The following BPIFA1 variants were observed in gnomAD, a reference collection of about 807,000 sequenced individuals.
The protein encoded by BPIFA1 is BPI fold-containing family A member 1.
In BPIFA1, 24 loss-of-function variants were observed where a neutral mutation model predicts 25.1. That is an observed-to-expected ratio of 0.96 (90% confidence interval 0.69 to 1.35). The LOEUF (loss-of-function observed/expected upper bound fraction) is 1.35, where lower values mean the gene tolerates loss of function less well. Among genes scored for constraint, BPIFA1 ranks in the 40% most tolerant of loss-of-function variants. The pLI, the probability that BPIFA1 is intolerant of heterozygous loss-of-function variation, is 0.00. For missense variants in BPIFA1, 344 were observed against 303.7 expected, an observed-to-expected ratio of 1.13 and a Z score of -0.99; for synonymous variants, 139 against 131.8, an observed-to-expected ratio of 1.05 and a Z score of -0.37.
rs1979028046 is a variant in BPIFA1, at chr20:33,242,468, T to C, written c.731-19T>C. ...TCATAACTGTCGTCTGTTTTTTTAT[T>C]GCTTGTTTGTTTGTTTAGACATGCT... On this transcript the variant is annotated intron_variant, in intron 7 of 8. Coordinates refer to ENST00000354297, the MANE Select transcript of BPIFA1 (RefSeq NM_130852.3). 5.0e-6 allele frequency: 8 copies of C among 1,613,886 alleles called. No individual in the cohort carries two copies. The African/African-American group carries it at 9.3e-5, about 19-fold the overall frequency.
intron 3 of BPIFA1, 124 bp downstream of exon 3, chr20:33,238,338 G>A: frequency 8.7e-7 from 1 of 1,148,894 alleles, no homozygotes; most frequent in Non-Finnish European, 1.2e-6. Context: ...TGAAGATGGA[G>A]CCAGGACTCA....
At position 33,242,500 on chromosome 20, in the gene BPIFA1, C is replaced by G. The variant is rs759939799; in HGVS notation, c.744C>G (p.His248Gln). Reference sequence around the variant, plus strand: ...TTGTTTGTTTAGACATGCTGATCCACGGACTACAGTTTGTCATCAAGGTCT... The same window carrying G: ...TTGTTTGTTTAGACATGCTGATCCAGGGACTACAGTTTGTCATCAAGGTCT... ...LVHDIVNMLI[H>Q]GLQFVIKV is the part of the protein sequence containing the mutation. Residue 248 changes from histidine (H) to glutamine (Q), a missense_variant, in exon 8 of 9, where the codon CAC (histidine) becomes CAG (glutamine). By Grantham distance (24) the His-to-Gln change is conservative. Transcript: ENST00000354297. 1 of 1,614,128 alleles carries G rather than the reference C, an allele frequency of 6.2e-7. No individual in the cohort carries two copies. The highest frequency in any genetic ancestry group is 8.5e-7 in the Non-Finnish European group (1 of 1,179,984).
At chr20:33,241,581 A>C in intron 6 of BPIFA1, 112 bp downstream of exon 6, 2 of 887,588 alleles carry the variant, frequency 2.3e-6, no homozygotes, top group Non-Finnish European at 3.7e-6. Flanking sequence ...AGTAACTTCC[A>C]TTCATCAATC....
At chr20:33,237,585 C>T in intron 1 of BPIFA1, 112 bp from the exon 2 acceptor site, 1 of 801,936 alleles carries the variant, frequency 1.2e-6, no homozygotes, top group Non-Finnish European at 1.8e-6. Flanking sequence ...TTACTAGTGA[C>T]CCCCTGGTGT....
intron 3 of BPIFA1, 48 bp downstream of exon 3, chr20:33,238,262 G>T (rs772807269): frequency 6.4e-7 from 1 of 1,566,100 alleles, no homozygotes. Flanking sequence ...GGAACCCCAG[G>T]TGAAGATCTG....
rs780370680 is a variant in BPIFA1 at position 33,241,429 on chromosome 20, G to A, written c.626G>A (p.Gly209Glu). 10 of 1,614,104 alleles carry A rather than the reference G, an allele frequency of 6.2e-6. No individual in the cohort carries two copies. The East Asian group carries it at 2.0e-4, about 32-fold the overall frequency. The change falls in exon 6 of 9, where the codon GGG becomes GAG. Residue 209 changes from glycine (G) to glutamate (E), a missense_variant. By Grantham distance (98) the Gly-to-Glu change is moderately conservative. Transcript: ENST00000354297. ...PIQGLLDSLT[G>E]ILNKVLPELV... ...CAAGGTCTTCTGGACAGCCTCACAGGGATCTTGAATAAAGTCCTGCCTGAG... is the reference window on the plus strand; with the variant it reads ...CAAGGTCTTCTGGACAGCCTCACAGAGATCTTGAATAAAGTCCTGCCTGAG...
intron 3 of BPIFA1, among the ~76,000 whole-genome samples, chr20:33,238,866 A>G (rs995024027): frequency 6.6e-6 from 1 of 152,216 alleles, no homozygotes; most frequent in Non-Finnish European, 1.5e-5. Flanking sequence ...AGCCATTTCC[A>G]AAATCCTACC....
intron 5 of BPIFA1, 34 bp downstream of exon 5, chr20:33,240,419 G>C: frequency 6.2e-7 from 1 of 1,610,624 alleles, no homozygotes; most frequent in Non-Finnish European, 8.5e-7. Flanking sequence ...CCTGCCCAGA[G>C]ATGACAGGGT....
rs766293025 is a variant in BPIFA1, at chr20:33,240,356, T to C, written c.552T>C (p.Pro184=). The C allele has an allele frequency of 6.2e-7, 1 of 1,614,092 alleles. No individual in the cohort carries two copies. The highest frequency in any genetic ancestry group is 8.5e-7 in the Non-Finnish European group (1 of 1,180,014). Reference sequence around the variant, plus strand: ...TCCTTGGTGACTGCACCCATTCCCCTGGAAGCCTGCAAATTTCTCTGCTTG... The same window carrying C: ...TCCTTGGTGACTGCACCCATTCCCCCGGAAGCCTGCAAATTTCTCTGCTTG... The part of the protein sequence containing the change: ...HLVLGDCTHS[P]GSLQISLLDG... Residue 184 remains proline (P), a synonymous_variant, in exon 5 of 9, where the codon CCT becomes CCC. Coordinates refer to ENST00000354297, the MANE Select transcript of BPIFA1 (RefSeq NM_130852.3).
At position 33,241,378 on chromosome 20, in the gene BPIFA1, C is replaced by T. The variant is rs1311157816; in HGVS notation, c.582-7C>T. On this transcript the variant is annotated splice_region_variant and splice_polypyrimidine_tract_variant and intron_variant, in intron 5 of 8. Transcript: ENST00000354297. ...TCCCTGCATCACCCATGACTTTTCT[C>T]TTTCAGACTTGGCCCCCTCCCCATT... 12 of 1,611,360 alleles carry T rather than the reference C, an allele frequency of 7.4e-6. No individual in the cohort carries two copies. Among genetic ancestry groups the T allele is most frequent in the East Asian group, 2.2e-5 (1 of 44,856 alleles).
intron 1 of BPIFA1, among the ~76,000 whole-genome samples, chr20:33,237,377 T>G (rs1373102840): frequency 6.6e-6 from 1 of 152,168 alleles, no homozygotes; most frequent in Non-Finnish European, 1.5e-5. Flanking sequence ...CTGGGATTCT[T>G]GGCAAGAAGG....
Position 33,239,693 on chromosome 20 carries a change from C to T in BPIFA1, c.321-110C>T, listed in dbSNP as rs1882275802. 11 of 1,069,020 alleles carry T rather than the reference C, an allele frequency of 1.0e-5. No homozygotes were observed. In the South Asian group the frequency reaches 1.4e-4, roughly 13 times the overall value. 66.2% of individuals were successfully genotyped at this position (1,069,020 alleles called of 1,614,324 possible). On this transcript the variant is annotated intron_variant, in intron 3 of 8. Transcript: ENST00000354297. ...AAGACTCCCCTCCCATCTCCCTATC[C>T]TGGGTGGGAAGCTCTACCTCTGGGA...
chr20:33,237,968 G>C (rs1322017297), intron 2 of BPIFA1, 87 bp from the exon 3 acceptor site: 2 of 1,540,538 alleles, frequency 1.3e-6, no homozygotes, highest in African/African-American at 2.7e-5. Flanking sequence ...CTGCAAAGTG[G>C]GGAGGGACAG....
Position 33,242,585 on chromosome 20 carries a change from A to T in BPIFA1, c.*34+24A>T. 5.8e-6 allele frequency: 9 copies of T among 1,557,362 alleles called. No homozygotes were observed. The South Asian group carries it at 8.9e-5, about 15-fold the overall frequency. On this transcript the variant is annotated intron_variant, in intron 8 of 8. Coordinates refer to ENST00000354297, the MANE Select transcript of BPIFA1 (RefSeq NM_130852.3). ...TGGTAAGTGCCCTTCCCCACACCCC[A>T]GGGTTTTGGGGGCTGGCTGTTCTTC...
Position 33,238,203 on chromosome 20 carries a change from C to A in BPIFA1, c.309C>A (p.Asn103Lys), listed in dbSNP as rs141888881. The change falls in exon 3 of 9, where the codon AAC becomes AAA. Residue 103 changes from asparagine to lysine, a missense_variant. Transcript: ENST00000354297. ...GKVTSVIPGL[N>K]NIIDIKVTDP... ...TGACGTCAGTGATTCCTGGCCTGAA[C>A]AACATCATTGAGTGAGTTGTCCTAA... The A allele has an allele frequency of 1.2e-6, 2 of 1,612,854 alleles. No homozygotes were observed. The highest frequency in any genetic ancestry group is 1.7e-6 in the Non-Finnish European group (2 of 1,179,396).
chr20:33,242,544 C>T lies in BPIFA1; in HGVS notation c.*17C>T. On this transcript the variant is annotated 3_prime_UTR_variant, in exon 8 of 9. Transcript: ENST00000354297. ...AAGGTCTAAGCCTTCCAGGAAGGGG[C>T]TGGCCTCTGCTGAGCTGGTAAGTGC... 1 of 1,613,344 alleles carries T rather than the reference C, an allele frequency of 6.2e-7. No individual in the cohort carries two copies. The highest frequency in any genetic ancestry group is 8.5e-7 in the Non-Finnish European group (1 of 1,179,284).
intron 4 of BPIFA1, 72 bp from the exon 5 acceptor site, chr20:33,240,161 G>C: frequency 1.3e-6 from 2 of 1,575,230 alleles, no homozygotes; most frequent in Non-Finnish European, 1.7e-6. Context: ...TAGCATTCTT[G>C]GCAAGGAGAA....
intron 6 of BPIFA1, among the ~76,000 whole-genome samples, 174 bp downstream of exon 6, chr20:33,241,643 T>A (rs547727379): frequency 7.2e-4 from 109 of 152,362 alleles, no homozygotes; most frequent in Non-Finnish European, 1.4e-3. Context: ...TCTTTCCAAA[T>A]GCATTGATGA....
chr20:33,243,303 T>G lies in BPIFA1; in HGVS notation c.*231T>G, dbSNP rs569401409. The G allele has an allele frequency of 6.6e-6, 1 of 152,424 alleles. No individual in the cohort carries two copies. Among genetic ancestry groups the G allele is most frequent in the East Asian group, 1.9e-4 (1 of 5,182 alleles). The allele number at this position is 152,424 out of a possible 1,614,324, so 9.4% of individuals were successfully genotyped here. On this transcript the variant is annotated 3_prime_UTR_variant, in exon 9 of 9. Coordinates refer to ENST00000354297, the MANE Select transcript of BPIFA1 (RefSeq NM_130852.3). Reference sequence around the variant, plus strand: ...TCACCTAATAAAATGGCTCTTCTTCTGCATCAGGGGCCTTGTCATCCTTCA... The same window carrying G: ...TCACCTAATAAAATGGCTCTTCTTCGGCATCAGGGGCCTTGTCATCCTTCA...
Sources: gnomAD v4.1 joint callset for allele counts (sites outside exome capture counted in the v4.1 genomes callset) on GRCh38, gnomAD v4.1.1 for gene constraint, MANE v1.5 for transcripts, NCBI Gene and HGNC (gene_info 2026-07-23, HGNC 2026-07-21) for gene names.